LINGO2: variants seen among roughly 807,000 people sequenced by gnomAD.
LINGO2 encodes leucine rich repeat and Ig domain containing 2, also known as leucine-rich repeat and immunoglobulin-like domain-containing nogo receptor-interacting protein 2.
Under a neutral mutation model 30.6 loss-of-function variants are expected in LINGO2, and 14 were observed. The ratio of observed to expected loss-of-function variants is 0.46; its 90% CI spans 0.30 to 0.72. The LOEUF (loss-of-function observed/expected upper bound fraction) is 0.72, where lower values mean the gene tolerates loss of function less well. Among genes scored for constraint, LINGO2 ranks in the 30% least tolerant of loss-of-function variants. The probability of loss-of-function intolerance (pLI) is 0.07; values close to 1 mark genes in which losing one functional copy is unlikely to be tolerated. For missense variants in LINGO2, 729 were observed against 751.7 expected, an observed-to-expected ratio of 0.97 and a Z score of 0.35; for synonymous variants, 317 against 288.5, an observed-to-expected ratio of 1.10 and a Z score of -1.00.
chr9:29,132,509 T>G, the LINGO2 span, among the ~76,000 whole-genome samples: 6 of 152,160 alleles, frequency 3.9e-5, no homozygotes, highest in Non-Finnish European at 8.8e-5. Flanking sequence ...TTTATTTACA[T>G]CAGGTGTAAC....
chr9:28,001,754 G>C (rs539896346), intron 5 of LINGO2, among the ~76,000 whole-genome samples: 1 of 152,128 alleles, frequency 6.6e-6, no homozygotes, highest in African/African-American at 2.4e-5. Context: ...CAAGTCTGAA[G>C]GAAACTAGGA....
intron 4 of LINGO2, among the ~76,000 whole-genome samples, chr9:28,100,213 A>C (rs1363836172): frequency 6.6e-6 from 1 of 152,208 alleles, no homozygotes; most frequent in Non-Finnish European, 1.5e-5. Flanking sequence ...ATCATGAATA[A>C]AATCAATAGA....
chr9:28,655,755 C>T (rs1828307715), intron 1 of LINGO2, among the ~76,000 whole-genome samples: 1 of 151,558 alleles, frequency 6.6e-6, no homozygotes, highest in African/African-American at 2.4e-5. Context: ...TTCTTCTTCT[C>T]CCTGCTGCCA....
chr9:28,067,648 GA>G (rs1220588545), intron 4 of LINGO2, among the ~76,000 whole-genome samples: 1 of 152,118 alleles, frequency 6.6e-6, no homozygotes, highest in Non-Finnish European at 1.5e-5. Context: ...TAGAATGCTA[GA>G]AATTTCTAGA....
the LINGO2 span, among the ~76,000 whole-genome samples, chr9:28,866,193 C>G: frequency 6.6e-6 from 1 of 152,078 alleles, no homozygotes; most frequent in Non-Finnish European, 1.5e-5. Flanking sequence ...AACTAATTTT[C>G]CGGTGCACTG....
At chr9:28,261,663 T>C (rs1348847863) in intron 4 of LINGO2, among the ~76,000 whole-genome samples, 1 of 151,910 alleles carries the variant, frequency 6.6e-6, no homozygotes, top group African/African-American at 2.4e-5. Flanking sequence ...TACATTCCTA[T>C]AATTCTTTGA....
intron 4 of LINGO2, among the ~76,000 whole-genome samples, chr9:28,268,090 A>G (rs1056644786): frequency 3.3e-5 from 5 of 152,064 alleles, no homozygotes; most frequent in African/African-American, 1.2e-4. Context: ...ACACAGCCAC[A>G]CACACAAACA....
intron 3 of LINGO2, among the ~76,000 whole-genome samples, chr9:28,328,836 G>T (rs1191307566): frequency 6.6e-6 from 1 of 152,082 alleles, no homozygotes; most frequent in Non-Finnish European, 1.5e-5. Context: ...CATTGATCAG[G>T]TTACAAGATG....
At position 28,292,932 on chromosome 9, in the gene LINGO2, G is replaced by A. The variant is rs1490821249; in HGVS notation, c.-87+2276C>T. On this transcript the variant is annotated intron_variant, in intron 4 of 5. Transcript: ENST00000379992. Reference sequence around the variant, plus strand: ...ACTACAGGTGCCCGCCACCACGCTTGGATAACTTTTTTTGTATTTTTAGTA... The same window carrying A: ...ACTACAGGTGCCCGCCACCACGCTTAGATAACTTTTTTTGTATTTTTAGTA... 3.3e-5 allele frequency among the ~76,000 whole-genome samples: 5 copies of A among 151,228 alleles called. No homozygotes were observed. The East Asian group carries it at 9.8e-4, about 30-fold the overall frequency.
chr9:29,077,206 C>A, the LINGO2 span, among the ~76,000 whole-genome samples: 7 of 151,778 alleles, frequency 4.6e-5, no homozygotes, highest in Non-Finnish European at 1.0e-4. Context: ...AAAATGTTGG[C>A]ATTAAGGTTT....
chr9:28,338,389 T>A (rs1220895589), intron 3 of LINGO2, among the ~76,000 whole-genome samples: 1 of 152,156 alleles, frequency 6.6e-6, no homozygotes, highest in Non-Finnish European at 1.5e-5. Flanking sequence ...GGAATGGATT[T>A]TCCTTGTCTC....
At chr9:28,331,260 C>T (rs1394469296) in intron 3 of LINGO2, among the ~76,000 whole-genome samples, 1 of 151,760 alleles carries the variant, frequency 6.6e-6, no homozygotes, top group Non-Finnish European at 1.5e-5. Flanking sequence ...AATATAGAAG[C>T]AAACAACTTC....
At chr9:28,427,100 T>G (rs1178746799) in intron 2 of LINGO2, among the ~76,000 whole-genome samples, 5 of 152,076 alleles carry the variant, frequency 3.3e-5, no homozygotes, top group Admixed American at 1.3e-4. Flanking sequence ...CATCTGTTTC[T>G]CTCCTATTTA....
intron 4 of LINGO2, among the ~76,000 whole-genome samples, chr9:28,055,962 G>A (rs144902652): frequency 9.2e-5 from 14 of 152,228 alleles, no homozygotes; most frequent in Admixed American, 1.3e-4. Flanking sequence ...CATTACAACA[G>A]TTACTATTGT....
At chr9:28,936,854 T>C in the LINGO2 span, among the ~76,000 whole-genome samples, 9 of 152,290 alleles carry the variant, frequency 5.9e-5, no homozygotes, top group Admixed American at 3.9e-4. Context: ...TATTTTCTTA[T>C]AGTCCTGGAG....
chr9:29,078,643 G>C, the LINGO2 span, among the ~76,000 whole-genome samples: 1 of 151,798 alleles, frequency 6.6e-6, no homozygotes, highest in Non-Finnish European at 1.5e-5. Context: ...TATACATTCG[G>C]ATATACGTAC....
intron 2 of LINGO2, among the ~76,000 whole-genome samples, chr9:28,467,444 T>G (rs1825360856): frequency 6.6e-6 from 1 of 152,188 alleles, no homozygotes; most frequent in African/African-American, 2.4e-5. Context: ...TTCCCTATGA[T>G]GAAAGGCTTA....
At chr9:28,180,789 A>G (rs559584746) in intron 4 of LINGO2, among the ~76,000 whole-genome samples, 1 of 152,244 alleles carries the variant, frequency 6.6e-6, no homozygotes, top group Non-Finnish European at 1.5e-5. Flanking sequence ...CCCAAGAAAG[A>G]GAACCCCAAG....
At chr9:29,175,451 A>T in the LINGO2 span, among the ~76,000 whole-genome samples, 1 of 151,934 alleles carries the variant, frequency 6.6e-6, no homozygotes, top group South Asian at 2.1e-4. Flanking sequence ...AAAATGTAAC[A>T]TTAAATAGTG....
Sources: gnomAD v4.1 joint callset for allele counts (sites outside exome capture counted in the v4.1 genomes callset) on GRCh38, gnomAD v4.1.1 for gene constraint, MANE v1.5 for transcripts, NCBI Gene and HGNC (gene_info 2026-07-23, HGNC 2026-07-21) for gene names.